Variants in SENP2 observed in about 807,000 individuals in gnomAD.
The protein encoded by SENP2 is sentrin-specific protease 2.
A neutral mutation model predicts 86.3 loss-of-function variants in SENP2; 16 were observed. The observed-to-expected ratio is 0.19, with a 90% CI of 0.13 to 0.28. The LOEUF is 0.28. SENP2 is among the 10% of genes least tolerant of loss of function. The probability of loss-of-function intolerance (pLI) is 1.00; values close to 1 mark genes in which losing one functional copy is unlikely to be tolerated. For synonymous variants in SENP2, 222 were observed against 238.7 expected, an observed-to-expected ratio of 0.93 and a Z score of 0.64; for missense variants, 552 against 703.0, an observed-to-expected ratio of 0.79 and a Z score of 2.43.
rs1712350614 is a variant in SENP2 at position 185,630,172 on chromosome 3, T to TCTGTGTGTTTGTTC, written c.*329_*342dup. On this transcript the variant is annotated 3_prime_UTR_variant, in exon 17 of 17. Coordinates refer to ENST00000296257, the MANE Select transcript of SENP2 (RefSeq NM_021627.3). ...GGATTTATTCTGTGAATTGTTTGTT[T>TCTGTGTGTTTGTTC]CTGTGTGTTTGTTCAGCGTATTCAT... is the stretch of plus-strand genomic sequence containing the variant. 4.1e-6 allele frequency: 1 copy of TCTGTGTGTTTGTTC among 243,386 alleles called. No homozygotes were observed. The highest frequency in any genetic ancestry group is 2.1e-5 in the African/African-American group (1 of 46,530). The allele number at this position is 243,386 out of a possible 1,614,324, so 15.1% of individuals were successfully genotyped here.
intron 2 of SENP2, among the ~76,000 whole-genome samples, chr3:185,595,798 T>A (rs542015092): frequency 8.9e-6 from 1 of 111,806 alleles, no homozygotes; most frequent in African/African-American, 3.1e-5. Context: ...GAGCCTGAGA[T>A]TTTTTTTTTT....
At chr3:185,623,895 T>G in intron 14 of SENP2, 103 bp from the exon 15 acceptor site, 3 of 505,762 alleles carry the variant, frequency 5.9e-6, no homozygotes, top group Admixed American at 3.8e-5. Flanking sequence ...AATATGGATT[T>G]GAGAATGGCA....
Position 185,621,904 on chromosome 3 carries a change from C to T in SENP2, c.1525C>T (p.Leu509Phe), listed in dbSNP as rs987663110. Residue 509 changes from leucine (L) to phenylalanine (F), a missense_variant and splice_region_variant, in exon 14 of 17, where the codon CTT becomes TTT. Transcript: ENST00000296257. Reference protein sequence around the residue: ...QKGHRICEILLQYLQDESKTK... With the variant: ...QKGHRICEILFQYLQDESKTK... ...GGGCCACAGGATCTGTGAGATTCTC[C>T]TGTAAGTAAAGGTTGAAAACCTCAC... 1.9e-6 allele frequency: 3 copies of T among 1,606,726 alleles called. No individual in the cohort carries two copies. In the African/African-American group the frequency reaches 4.0e-5, roughly 22 times the overall value.
chr3:185,629,765 T>C lies in SENP2; in HGVS notation c.1708-17T>C, dbSNP rs368247223. ...ATTAATATGTAATGCGGGCGTTGTT[T>C]ATGGGGTTCTTTGCAGCACCAGATG... On this transcript the variant is annotated splice_polypyrimidine_tract_variant and intron_variant, in intron 16 of 16. Coordinates refer to ENST00000296257, the MANE Select transcript of SENP2 (RefSeq NM_021627.3). The C allele has an allele frequency of 1.2e-6, 2 of 1,613,938 alleles. No individual in the cohort carries two copies. The highest frequency in any genetic ancestry group is 4.5e-5 in the East Asian group (2 of 44,880).
At chr3:185,590,364 A>G (rs2148979388) in intron 2 of SENP2, among the ~76,000 whole-genome samples, 195 bp downstream of exon 2, 1 of 152,228 alleles carries the variant, frequency 6.6e-6, no homozygotes, top group South Asian at 2.1e-4. Context: ...CCTGGCCAAC[A>G]TGGCAAAACC....
chr3:185,622,712 C>T (rs1428387087), intron 14 of SENP2, among the ~76,000 whole-genome samples: 1 of 149,818 alleles, frequency 6.7e-6, no homozygotes, highest in East Asian at 2.0e-4. Context: ...CATATGTATA[C>T]ATATATTATC....
At chr3:185,623,432 C>A (rs988817794) in intron 14 of SENP2, among the ~76,000 whole-genome samples, 1 of 152,176 alleles carries the variant, frequency 6.6e-6, no homozygotes, top group African/African-American at 2.4e-5. Context: ...AGCCACCGCA[C>A]CCGGCCTATG....
At chr3:185,616,930 A>G (rs956776873) in intron 11 of SENP2, among the ~76,000 whole-genome samples, 11 of 152,250 alleles carry the variant, frequency 7.2e-5, no homozygotes, top group African/African-American at 2.4e-4. Context: ...CTGGGTTTCA[A>G]TTTTCTTCTC....
intron 11 of SENP2, among the ~76,000 whole-genome samples, chr3:185,616,361 A>G (rs1014846798): frequency 3.3e-5 from 5 of 150,720 alleles, no homozygotes; most frequent in African/African-American, 1.2e-4. Flanking sequence ...ATTCCAGCTA[A>G]TCAGGAGACT....
At chr3:185,623,850 A>AAAAAAAAAAAAAAAAC (rs1712009960) in intron 14 of SENP2, 148 bp from the exon 15 acceptor site, 1 of 406,510 alleles carries the variant, frequency 2.5e-6, no homozygotes, top group Non-Finnish European at 4.3e-6. Flanking sequence ...AAAAAAAAAA[A>AAAAAAAAAAAAAAAAC]TCCAGAAAGC....
Position 185,631,149 on chromosome 3 carries a change from G to C in SENP2, c.*1305G>C, listed in dbSNP as rs1309896050. ...ACCCTCTCCCTACTTAAACCTCCCA[G>C]ACTTGTTCTGGTTCATAAAAGCAAG... On this transcript the variant is annotated 3_prime_UTR_variant, in exon 17 of 17. Transcript: ENST00000296257. 2 of 151,994 alleles carry C rather than the reference G, an allele frequency of 1.3e-5. No individual in the cohort carries two copies. The highest frequency in any genetic ancestry group is 4.8e-5 in the African/African-American group (2 of 41,376). The allele number at this position is 151,994 out of a possible 1,614,324, so 9.4% of individuals were successfully genotyped here.
chr3:185,617,221 AC>A (rs1219436144), intron 11 of SENP2, among the ~76,000 whole-genome samples: 32 of 152,308 alleles, frequency 2.1e-4, no homozygotes, highest in South Asian at 1.0e-3. Flanking sequence ...TAATCTCAGC[AC>A]TTTGGGAGGC....
At chr3:185,604,372 C>T (rs895300169) in intron 5 of SENP2, among the ~76,000 whole-genome samples, 1 of 152,084 alleles carries the variant, frequency 6.6e-6, no homozygotes. Flanking sequence ...GATGATGTTC[C>T]ATGTACACTT....
At position 185,619,430 on chromosome 3, in the gene SENP2, C is replaced by G; in HGVS notation, c.1374C>G (p.Thr458=). The G allele has an allele frequency of 6.2e-7, 1 of 1,614,066 alleles. No homozygotes were observed. Among genetic ancestry groups the G allele is most frequent in the Middle Eastern group, 1.6e-4 (1 of 6,062 alleles). Reference sequence around the variant, plus strand: ...GTTACCAAGCAGTGAAACGATGGACCAAAGGGGTAAATCTCTTTGAACAAG... The same window carrying G: ...GTTACCAAGCAGTGAAACGATGGACGAAAGGGGTAAATCTCTTTGAACAAG... ...SGGYQAVKRW[T]KGVNLFEQEI... Residue 458 remains threonine (T), a synonymous_variant, in exon 13 of 17, where the codon ACC becomes ACG. Transcript: ENST00000296257.
intron 2 of SENP2, among the ~76,000 whole-genome samples, chr3:185,597,503 C>T (rs1197337164): frequency 6.6e-6 from 1 of 151,746 alleles, no homozygotes; most frequent in Non-Finnish European, 1.5e-5. Flanking sequence ...TAGTCGTGCA[C>T]CACCATGCCC....
intron 2 of SENP2, among the ~76,000 whole-genome samples, chr3:185,592,665 G>T (rs1322625094): frequency 6.7e-6 from 1 of 149,830 alleles, no homozygotes; most frequent in Non-Finnish European, 1.5e-5. Flanking sequence ...TGCTCAGGCT[G>T]GAGTGCAATG....
intron 11 of SENP2, among the ~76,000 whole-genome samples, chr3:185,616,430 A>G (rs2148991839): frequency 6.7e-6 from 1 of 149,136 alleles, no homozygotes; most frequent in Admixed American, 6.7e-5. Flanking sequence ...GAGATCATGC[A>G]GCTGCATGCA....
chr3:185,597,876 A>G (rs565235097), intron 2 of SENP2, among the ~76,000 whole-genome samples: 2 of 146,472 alleles, frequency 1.4e-5, no homozygotes, highest in Non-Finnish European at 3.0e-5. Context: ...CTGGTCTCCA[A>G]CTCCTGACCT....
chr3:185,588,871 C>A (rs1721885839), intron 1 of SENP2, among the ~76,000 whole-genome samples: 1 of 152,180 alleles, frequency 6.6e-6, no homozygotes, highest in African/African-American at 2.4e-5. Context: ...TTGTCCTCTC[C>A]TTGATGTGAA....
Sources: gnomAD v4.1 joint callset for allele counts (sites outside exome capture counted in the v4.1 genomes callset) on GRCh38, gnomAD v4.1.1 for gene constraint, MANE v1.5 for transcripts, NCBI Gene and HGNC (gene_info 2026-07-23, HGNC 2026-07-21) for gene names.